The following ERC2 variants were observed in gnomAD, a reference collection of about 807,000 sequenced individuals.
ERC2 encodes ERC protein 2.
A neutral mutation model predicts 114.8 loss-of-function variants in ERC2; 42 were observed. The ratio of observed to expected loss-of-function variants is 0.37; its 90% CI spans 0.29 to 0.47. The LOEUF (loss-of-function observed/expected upper bound fraction) is 0.47. Ranked by LOEUF, ERC2 falls within the 20% of genes least tolerant of loss-of-function variation. The probability of loss-of-function intolerance (pLI) is 0.99; values close to 1 mark genes in which losing one functional copy is unlikely to be tolerated. For missense variants in ERC2, 939 were observed against 1,150.7 expected, an observed-to-expected ratio of 0.82 and a Z score of 2.66; for synonymous variants, 454 against 425.5, an observed-to-expected ratio of 1.07 and a Z score of -0.82.
chr3:56,042,820 C>G (rs2075266877), intron 7 of ERC2, among the ~76,000 whole-genome samples: 1 of 151,986 alleles, frequency 6.6e-6, no homozygotes, highest in Non-Finnish European at 1.5e-5. Flanking sequence ...AACCCCTAAC[C>G]AAGACAACAT....
intron 17 of ERC2, among the ~76,000 whole-genome samples, chr3:55,593,377 G>C (rs890917720): frequency 1.3e-5 from 2 of 152,150 alleles, no homozygotes; most frequent in African/African-American, 2.4e-5. Flanking sequence ...GATCCTAGGA[G>C]GAGGACCCAG....
chr3:55,822,046 T>A (rs1485229979), intron 14 of ERC2, among the ~76,000 whole-genome samples: 2 of 152,248 alleles, frequency 1.3e-5, no homozygotes, highest in African/African-American at 4.8e-5. Flanking sequence ...TTTTTTCTTT[T>A]TCTGAGAGGG....
chr3:56,221,732 G>A (rs892388466), intron 3 of ERC2, among the ~76,000 whole-genome samples: 24 of 152,050 alleles, frequency 1.6e-4, no homozygotes, highest in Admixed American at 5.2e-4. Context: ...GTGAAACCCC[G>A]TCTCTACTAA....
intron 15 of ERC2, among the ~76,000 whole-genome samples, chr3:55,718,002 C>A (rs1353031581): frequency 6.6e-6 from 1 of 152,112 alleles, no homozygotes; most frequent in Admixed American, 6.5e-5. Flanking sequence ...AAGGAGATGT[C>A]GGGATAATTT....
intron 2 of ERC2, among the ~76,000 whole-genome samples, chr3:56,412,940 A>C (rs2060998802): frequency 6.6e-6 from 1 of 152,244 alleles, no homozygotes; most frequent in Non-Finnish European, 1.5e-5. Context: ...TTACGGGTGC[A>C]CATTTGTGAC....
Position 56,108,685 on chromosome 3 carries a change from A to G in ERC2, c.1474-27701T>C, listed in dbSNP as rs920507829. On this transcript the variant is annotated intron_variant, in intron 6 of 17. Transcript: ENST00000288221. ...ATAGATTGAATGTACCCTATAGATG[A>G]TTCTTTTTAAAAATAAAGAAAATGT... Among the ~76,000 whole-genome samples the G allele has an allele frequency of 2.0e-5, 3 of 152,152 alleles. No homozygotes were observed. The East Asian group carries it at 5.8e-4, about 29-fold the overall frequency.
chr3:56,158,715 C>A (rs536690289), intron 4 of ERC2, among the ~76,000 whole-genome samples: 35 of 151,624 alleles, frequency 2.3e-4, no homozygotes, highest in African/African-American at 7.8e-4. Context: ...TCTTTGGAAC[C>A]TTCTCAGTTC....
intron 6 of ERC2, among the ~76,000 whole-genome samples, chr3:56,135,208 C>T (rs910213501): frequency 6.6e-6 from 1 of 152,070 alleles, no homozygotes; most frequent in African/African-American, 2.4e-5. Context: ...CTGCCTCGGC[C>T]TCTCAAAGTG....
chr3:55,872,029 C>A, intron 14 of ERC2, among the ~76,000 whole-genome samples: 1 of 152,102 alleles, frequency 6.6e-6, no homozygotes. Flanking sequence ...AGGGATGAGG[C>A]AAGGAAGTGG....
At chr3:56,025,103 C>T (rs1240213790) in intron 7 of ERC2, among the ~76,000 whole-genome samples, 1 of 152,134 alleles carries the variant, frequency 6.6e-6, no homozygotes, top group African/African-American at 2.4e-5. Context: ...AAAGAAAAAG[C>T]TTGCTTGGGG....
intron 13 of ERC2, among the ~76,000 whole-genome samples, chr3:55,894,510 G>A (rs2063752180): frequency 1.3e-5 from 2 of 152,066 alleles, no homozygotes; most frequent in African/African-American, 4.8e-5. Context: ...GTGGGAATTG[G>A]GCTTCTACGT....
intron 17 of ERC2, among the ~76,000 whole-genome samples, chr3:55,676,212 C>T (rs1039215315): frequency 8.6e-5 from 13 of 151,684 alleles, no homozygotes; most frequent in Non-Finnish European, 1.2e-4. Flanking sequence ...TGTGAGCCAG[C>T]GTGCACAGCC....
chr3:55,616,511 T>C (rs73830684), intron 17 of ERC2, among the ~76,000 whole-genome samples: 2,930 of 151,670 alleles, frequency 0.019, 99 homozygotes, highest in African/African-American at 0.064. Flanking sequence ...TATACACACA[T>C]ATATATATAT....
At chr3:55,858,316 G>C (rs2061876966) in intron 14 of ERC2, among the ~76,000 whole-genome samples, 2 of 152,116 alleles carry the variant, frequency 1.3e-5, no homozygotes, top group Non-Finnish European at 2.9e-5. Context: ...ACATGTCTTT[G>C]TTACATGTAA....
At chr3:55,678,505 G>C (rs1165082212) in intron 17 of ERC2, among the ~76,000 whole-genome samples, 5 of 152,070 alleles carry the variant, frequency 3.3e-5, no homozygotes, top group African/African-American at 1.2e-4. Flanking sequence ...TCCACAGATT[G>C]CTACCCCTTA....
At chr3:55,565,208 G>A (rs1056759032) in intron 17 of ERC2, among the ~76,000 whole-genome samples, 5 of 152,312 alleles carry the variant, frequency 3.3e-5, no homozygotes, top group Admixed American at 6.5e-5. Context: ...TCTGTCATGC[G>A]AAGCCAAACT....
intron 3 of ERC2, among the ~76,000 whole-genome samples, chr3:56,257,148 A>G (rs1403483029): frequency 6.6e-6 from 1 of 152,068 alleles, no homozygotes; most frequent in African/African-American, 2.4e-5. Flanking sequence ...CCCACCCCCA[A>G]TCTCTTCTAG....
At chr3:56,455,033 G>A (rs1213964311) in intron 1 of ERC2, among the ~76,000 whole-genome samples, 1 of 152,006 alleles carries the variant, frequency 6.6e-6, no homozygotes, top group African/African-American at 2.4e-5. Context: ...TATAATGGTG[G>A]TTTCCAGGGG....
chr3:55,967,007 G>A (rs2068796295), intron 12 of ERC2, among the ~76,000 whole-genome samples: 1 of 152,170 alleles, frequency 6.6e-6, no homozygotes, highest in Admixed American at 6.5e-5. Flanking sequence ...TGTAGGCTCT[G>A]CCTTCTGTAT....
Sources: gnomAD v4.1 joint callset for allele counts (sites outside exome capture counted in the v4.1 genomes callset) on GRCh38, gnomAD v4.1.1 for gene constraint, MANE v1.5 for transcripts, NCBI Gene and HGNC (gene_info 2026-07-23, HGNC 2026-07-21) for gene names.